PCLO: variants seen among roughly 807,000 people sequenced by gnomAD.
PCLO encodes protein piccolo.
In PCLO, 82 loss-of-function variants were observed where a neutral mutation model predicts 427.5. The observed-to-expected ratio is 0.19, with a 90% CI of 0.16 to 0.23. The LOEUF (loss-of-function observed/expected upper bound fraction) is 0.23, where lower values mean the gene tolerates loss of function less well. Ranked by LOEUF, PCLO falls within the 10% of genes least tolerant of loss-of-function variation. The probability of loss-of-function intolerance (pLI) is 1.00; values close to 1 mark genes in which losing one functional copy is unlikely to be tolerated. For missense variants in PCLO, 6,239 were observed against 6,115.9 expected, an observed-to-expected ratio of 1.02 and a Z score of -0.67; for synonymous variants, 2,357 against 2,155.4, an observed-to-expected ratio of 1.09 and a Z score of -2.59.
At chr7:82,764,973 C>A (rs528467793) in intron 22 of PCLO, among the ~76,000 whole-genome samples, 2 of 151,808 alleles carry the variant, frequency 1.3e-5, no homozygotes, top group East Asian at 3.9e-4. Context: ...ATGAATATAC[C>A]TTTTTCTTAA....
At chr7:82,888,958 C>A (rs1394577603) in intron 9 of PCLO, among the ~76,000 whole-genome samples, 1 of 150,610 alleles carries the variant, frequency 6.6e-6, no homozygotes, top group African/African-American at 2.5e-5. Context: ...GCCCCCTGCC[C>A]CACCCCCGCC....
chr7:83,103,550 G>C (rs1562965662), intron 3 of PCLO, among the ~76,000 whole-genome samples: 2 of 151,882 alleles, frequency 1.3e-5, no homozygotes. Context: ...TTATGAGTCT[G>C]TCAATTGTCT....
intron 3 of PCLO, among the ~76,000 whole-genome samples, chr7:83,123,691 A>T (rs1170626313): frequency 6.6e-6 from 1 of 152,022 alleles, no homozygotes; most frequent in African/African-American, 2.4e-5. Flanking sequence ...GACAACCCAT[A>T]TAATGGGAGA....
intron 9 of PCLO, among the ~76,000 whole-genome samples, chr7:82,880,184 C>A (rs961451187): frequency 2.0e-5 from 3 of 151,834 alleles, no homozygotes; most frequent in Non-Finnish European, 2.9e-5. Flanking sequence ...TAAAAATTAG[C>A]AAGTATATAG....
chr7:83,156,166 C>G lies in PCLO; in HGVS notation c.475G>C (p.Glu159Gln), dbSNP rs763435639. The G allele has an allele frequency of 6.2e-7, 1 of 1,613,742 alleles. No homozygotes were observed. Among genetic ancestry groups the G allele is most frequent in the Non-Finnish European group, 8.5e-7 (1 of 1,179,766 alleles). Residue 159 changes from glutamate (E) to glutamine (Q), a missense_variant, in exon 2 of 25, where the codon GAG becomes CAG. By Grantham distance (29) the Glu-to-Gln change is conservative. This residue lies in a region of PCLO where 4,677 missense variants were observed against 4,468.4 expected (regional missense o/e 1.05). Transcript: ENST00000333891. The stretch of plus-strand genomic sequence containing the variant: ...GAAACAGCACTTAAAGCGTTAACCT[C>G]TGAGAGGAAGCCAGGCATCATACTA... ...KSSMMPGFLS[E>Q]VNALSAVSSV...
At chr7:83,020,418 G>T (rs1788314212) in intron 3 of PCLO, among the ~76,000 whole-genome samples, 1 of 152,066 alleles carries the variant, frequency 6.6e-6, no homozygotes, top group Admixed American at 6.6e-5. Context: ...GCCTTTGAGG[G>T]AGTTATTAAA....
Position 83,038,043 on chromosome 7 carries a change from A to ATT in PCLO, c.3301-71557_3301-71556insAA, listed in dbSNP as rs1562933077. ...TATATATATATATTTATATATTTAT[A>ATT]TATATATCTTTATATATATATTTAT... On this transcript the variant is annotated intron_variant, in intron 3 of 24. Coordinates refer to ENST00000333891, the MANE Select transcript of PCLO (RefSeq NM_033026.6). Among the ~76,000 whole-genome samples, 24 of 46,714 alleles carry ATT rather than the reference A, an allele frequency of 5.1e-4. 1 individual carries two copies. The highest frequency in any genetic ancestry group is 6.6e-4 in the Non-Finnish European group (20 of 30,102). 30.6% of individuals were successfully genotyped at this position (46,714 alleles called of 152,430 possible). A position where few individuals can be genotyped will look rare whatever the true frequency, so the allele number is the denominator to read the frequency against.
chr7:83,043,919 T>TTTTC (rs1789037783), intron 3 of PCLO, among the ~76,000 whole-genome samples: 1 of 104,570 alleles, frequency 9.6e-6, no homozygotes, highest in East Asian at 2.1e-4. Context: ...TTTCTTTTTT[T>TTTTC]TTTTTTTTTT....
chr7:83,063,498 T>C (rs1789590270), intron 3 of PCLO, among the ~76,000 whole-genome samples: 1 of 152,106 alleles, frequency 6.6e-6, no homozygotes, highest in Admixed American at 6.6e-5. Flanking sequence ...AAATTACATG[T>C]GATATTCAAC....
chr7:82,811,333 C>G (rs555011183), intron 20 of PCLO, among the ~76,000 whole-genome samples: 1 of 151,538 alleles, frequency 6.6e-6, no homozygotes, highest in East Asian at 1.9e-4. Flanking sequence ...TCCTCTCTTT[C>G]TTTGTTTCTT....
At chr7:83,036,559 A>G (rs942226700) in intron 3 of PCLO, among the ~76,000 whole-genome samples, 14 of 152,000 alleles carry the variant, frequency 9.2e-5, no homozygotes, top group African/African-American at 3.4e-4. Context: ...CATGTATGTT[A>G]TTATTAATAT....
intron 3 of PCLO, among the ~76,000 whole-genome samples, chr7:83,069,142 A>G (rs1316018540): frequency 6.6e-6 from 1 of 152,162 alleles, no homozygotes; most frequent in Non-Finnish European, 1.5e-5. Flanking sequence ...AATGCATATT[A>G]TGGGTGGTAA....
chr7:82,974,053 T>A (rs569865841), intron 3 of PCLO, among the ~76,000 whole-genome samples: 2 of 152,288 alleles, frequency 1.3e-5, no homozygotes, highest in East Asian at 3.9e-4. Flanking sequence ...AACACAATTT[T>A]AACAGATCTG....
chr7:82,905,748 T>C (rs2116213580), intron 8 of PCLO, among the ~76,000 whole-genome samples: 1 of 151,650 alleles, frequency 6.6e-6, no homozygotes, highest in East Asian at 1.9e-4. Flanking sequence ...AGAGAAAGAG[T>C]GGCTCTTTCA....
At chr7:82,794,457 T>TCTG (rs1285678455) in intron 22 of PCLO, among the ~76,000 whole-genome samples, 18 of 89,966 alleles carry the variant, frequency 2.0e-4, no homozygotes, top group African/African-American at 9.6e-4. Flanking sequence ...TAAATTTTTT[T>TCTG]TCTTTTTTTT....
At chr7:83,095,397 AT>A (rs1411600358) in intron 3 of PCLO, among the ~76,000 whole-genome samples, 3 of 150,400 alleles carry the variant, frequency 2.0e-5, no homozygotes, top group South Asian at 4.2e-4. Context: ...TGTTTTATTG[AT>A]TTTTCTCTAC....
Position 82,953,216 on chromosome 7 carries a change from A to G in PCLO, c.7737T>C (p.Thr2579=). The G allele has an allele frequency of 6.2e-7, 1 of 1,613,966 alleles. No individual in the cohort carries two copies. The highest frequency in any genetic ancestry group is 1.3e-5 in the African/African-American group (1 of 75,044). ...SPRFSKSLTE[T]YVVITLPSEP... Reference sequence around the variant, plus strand: ...CAGATGGCAATGTAATAACTACATAAGTTTCTGTGAGGGATTTGGAAAATC... The same window carrying G: ...CAGATGGCAATGTAATAACTACATAGGTTTCTGTGAGGGATTTGGAAAATC... The change falls in exon 5 of 25, where the codon ACT becomes ACC. Residue 2579 remains threonine, a synonymous_variant. Transcript: ENST00000333891.
chr7:83,149,729 C>G (rs527885044), intron 2 of PCLO, among the ~76,000 whole-genome samples: 1 of 152,336 alleles, frequency 6.6e-6, no homozygotes, highest in South Asian at 2.1e-4. Context: ...CAACTTCTCC[C>G]CATTTCTCTT....
chr7:83,014,704 C>A (rs1484825210), intron 3 of PCLO, among the ~76,000 whole-genome samples: 1 of 152,034 alleles, frequency 6.6e-6, no homozygotes, highest in Non-Finnish European at 1.5e-5. Context: ...TTCCCTGAGG[C>A]AAGGCTGCAC....
Sources: gnomAD v4.1 joint callset for allele counts (sites outside exome capture counted in the v4.1 genomes callset) on GRCh38, gnomAD v4.1.1 for gene constraint, gnomAD v4.1.1 regional missense constraint, MANE v1.5 for transcripts, NCBI Gene and HGNC (gene_info 2026-07-23, HGNC 2026-07-21) for gene names.